LMNTD1: variants seen among roughly 807,000 people sequenced by gnomAD.
LMNTD1 encodes the protein lamin tail domain containing 1.
In LMNTD1, 35 loss-of-function variants were observed where a neutral mutation model predicts 50.9. The observed-to-expected ratio is 0.69, with a 90% confidence interval of 0.53 to 0.91. The LOEUF (loss-of-function observed/expected upper bound fraction) is 0.91, where lower values mean the gene tolerates loss of function less well. Among genes scored for constraint, LMNTD1 ranks in the 40% least tolerant of loss-of-function variants. The pLI is 0.00. For synonymous variants in LMNTD1, 153 were observed against 161.9 expected, an observed-to-expected ratio of 0.94 and a Z score of 0.42; for missense variants, 470 against 475.5, an observed-to-expected ratio of 0.99 and a Z score of 0.11.
intron 9 of LMNTD1, among the ~76,000 whole-genome samples, chr12:25,488,132 A>T (rs1591820399): frequency 2.1e-5 from 3 of 145,294 alleles, no homozygotes; most frequent in African/African-American, 7.5e-5. Context: ...CTTCTCGAGG[A>T]GTATCTTTGT....
intron 4 of LMNTD1, among the ~76,000 whole-genome samples, chr12:25,527,681 T>TATATACACACACACAC (rs1463259109): frequency 6.2e-5 from 2 of 32,354 alleles, no homozygotes; most frequent in African/African-American, 1.2e-4. Context: ...TATATATATA[T>TATATACACACACACAC]ACACACACAC....
At chr12:25,537,359 T>C (rs964459392) in intron 4 of LMNTD1, among the ~76,000 whole-genome samples, 1 of 152,206 alleles carries the variant, frequency 6.6e-6, no homozygotes, top group Non-Finnish European at 1.5e-5. Context: ...GTTCTCCCAG[T>C]ACGCAGCTGG....
intron 1 of LMNTD1, among the ~76,000 whole-genome samples, chr12:25,563,695 TG>T (rs888750026): frequency 1.3e-5 from 2 of 152,240 alleles, no homozygotes; most frequent in African/African-American, 4.8e-5. Context: ...TGTTTAAGTC[TG>T]CAGAAGTTTC....
At chr12:25,526,061 T>TAAA (rs199719770) in intron 6 of LMNTD1, 38 bp downstream of exon 6, 90 of 1,212,164 alleles carry the variant, frequency 7.4e-5, no homozygotes, top group South Asian at 2.2e-4. Flanking sequence ...GCACAATATT[T>TAAA]AAAAAAAAAA....
At chr12:25,617,869 T>A (rs1205281059) in intron 1 of LMNTD1, among the ~76,000 whole-genome samples, 2 of 152,164 alleles carry the variant, frequency 1.3e-5, no homozygotes, top group African/African-American at 4.8e-5. Context: ...GCAGGTGAAA[T>A]CTGAAGAAGT....
chr12:25,526,792 T>G lies in LMNTD1; in HGVS notation c.655A>C (p.Met219Leu). 6.2e-7 allele frequency: 1 copy of G among 1,610,442 alleles called. No homozygotes were observed. Among genetic ancestry groups the G allele is most frequent in the Non-Finnish European group, 8.5e-7 (1 of 1,178,106 alleles). The part of the protein sequence containing the change: ...SLYRFLPNIV[M>L]QANSTVTVWA... ...ACTGTTACTGTGGAATTTGCCTGCA[T>G]TACGATGTTTGGAAGGAATCGGTAC... The change falls in exon 5 of 10, where the codon ATG (methionine) becomes CTG (leucine). Residue 219 changes from methionine to leucine, a missense_variant. Met to Leu is a conservative substitution (Grantham distance 15, BLOSUM62 2). Transcript: ENST00000458174.
At chr12:25,596,808 A>G (rs1171393016) in intron 1 of LMNTD1, among the ~76,000 whole-genome samples, 1 of 152,082 alleles carries the variant, frequency 6.6e-6, no homozygotes, top group East Asian at 1.9e-4. Context: ...CTACTCTTAC[A>G]TAGAAGGACT....
chr12:25,552,493 C>T (rs2136258528), intron 2 of LMNTD1, among the ~76,000 whole-genome samples: 1 of 147,088 alleles, frequency 6.8e-6, no homozygotes, highest in Middle Eastern at 3.7e-3. Context: ...GTAGTCCTAG[C>T]TACTCCGAGA....
At chr12:25,644,647 T>A (rs1189977163) in intron 1 of LMNTD1, among the ~76,000 whole-genome samples, 2 of 152,254 alleles carry the variant, frequency 1.3e-5, no homozygotes, top group African/African-American at 4.8e-5. Context: ...TTTTTGTAAT[T>A]TGGGAGTTCA....
At chr12:25,536,101 T>A (rs779019372) in intron 4 of LMNTD1, among the ~76,000 whole-genome samples, 21 of 152,142 alleles carry the variant, frequency 1.4e-4, no homozygotes, top group Non-Finnish European at 2.6e-4. Flanking sequence ...AGTGATTGAA[T>A]TGCAAGGGAG....
intron 9 of LMNTD1, among the ~76,000 whole-genome samples, chr12:25,492,318 C>T (rs1256050954): frequency 2.6e-5 from 4 of 152,228 alleles, no homozygotes; most frequent in Admixed American, 6.5e-5. Flanking sequence ...CCTGAGACAG[C>T]TCCTTGCACA....
At chr12:25,557,330 G>A (rs1944084783), upstream of LMNTD1, 1 of 152,168 alleles carries the variant, frequency 6.6e-6, no homozygotes, top group African/African-American at 2.4e-5. Flanking sequence ...CAGACAGTTT[G>A]TTCAAAGTAA....
intron 1 of LMNTD1, among the ~76,000 whole-genome samples, chr12:25,608,233 C>G (rs911882681): frequency 2.4e-4 from 37 of 152,168 alleles, no homozygotes; most frequent in Non-Finnish European, 2.9e-5. Flanking sequence ...TGTCTCTGCA[C>G]GTGAGATGGG....
chr12:25,612,881 G>T (rs529374884), intron 1 of LMNTD1, among the ~76,000 whole-genome samples: 2 of 152,114 alleles, frequency 1.3e-5, no homozygotes, highest in African/African-American at 4.8e-5. Context: ...TTGAGGTAAG[G>T]TGATCTCCTG....
chr12:25,605,000 C>T (rs985555778), intron 1 of LMNTD1, among the ~76,000 whole-genome samples: 2 of 152,178 alleles, frequency 1.3e-5, no homozygotes, highest in Non-Finnish European at 2.9e-5. Flanking sequence ...CACATCCTCT[C>T]CAGCACCTGT....
At chr12:25,544,165 G>T (rs1281940060) in intron 4 of LMNTD1, among the ~76,000 whole-genome samples, 1 of 151,794 alleles carries the variant, frequency 6.6e-6, no homozygotes. Flanking sequence ...ACTGAGAATA[G>T]GATGTTAAAG....
intron 2 of LMNTD1, among the ~76,000 whole-genome samples, chr12:25,550,685 G>A (rs1943693957): frequency 6.6e-6 from 1 of 152,132 alleles, no homozygotes; most frequent in South Asian, 2.1e-4. Flanking sequence ...TTCCTACTCT[G>A]CCATCTTGCT....
At chr12:25,600,839 C>T (rs1248227911) in intron 1 of LMNTD1, among the ~76,000 whole-genome samples, 1 of 151,946 alleles carries the variant, frequency 6.6e-6, no homozygotes, top group African/African-American at 2.4e-5. Flanking sequence ...AACCCTGGTA[C>T]ACTTTTGGTG....
chr12:25,534,955 T>C (rs1420323351), intron 4 of LMNTD1, among the ~76,000 whole-genome samples: 1 of 152,070 alleles, frequency 6.6e-6, no homozygotes, highest in African/African-American at 2.4e-5. Flanking sequence ...TACAAAAATA[T>C]TCTAGCCCCC....
Sources: allele counts gnomAD v4.1 joint callset (sites outside exome capture counted in the v4.1 genomes callset), GRCh38; gene constraint gnomAD v4.1.1; transcripts MANE v1.5; gene names NCBI Gene and HGNC (gene_info 2026-07-23, HGNC 2026-07-21).